The following SENP6 variants were observed in gnomAD, a reference collection of about 807,000 sequenced individuals.
The protein encoded by SENP6 is SUMO specific peptidase 6, also known as sentrin-specific protease 6.
A neutral mutation model predicts 134.5 loss-of-function variants in SENP6; 41 were observed. The ratio of observed to expected loss-of-function variants is 0.30; its 90% confidence interval spans 0.24 to 0.40. The LOEUF is 0.40. Ranked by LOEUF, SENP6 falls within the 10% of genes least tolerant of loss-of-function variation. The probability of loss-of-function intolerance (pLI) is 1.00; values close to 1 mark genes in which losing one functional copy is unlikely to be tolerated. For missense variants in SENP6, 1,248 were observed against 1,312.5 expected, an observed-to-expected ratio of 0.95 and a Z score of 0.76; for synonymous variants, 395 against 429.8, an observed-to-expected ratio of 0.92 and a Z score of 1.00.
chr6:75,660,016 T>C (rs1453382286), intron 8 of SENP6, among the ~76,000 whole-genome samples: 5 of 152,358 alleles, frequency 3.3e-5, no homozygotes, highest in African/African-American at 1.2e-4. Context: ...TTTATGCTTA[T>C]AGAATTGAAT....
chr6:75,627,431 A>G (rs1204070709), intron 3 of SENP6, among the ~76,000 whole-genome samples: 1 of 152,098 alleles, frequency 6.6e-6, no homozygotes, highest in African/African-American at 2.4e-5. Context: ...TTAGATAGAC[A>G]AGAAAAAAGT....
chr6:75,622,685 C>A, intron 2 of SENP6: 1 of 779,878 alleles, frequency 1.3e-6, no homozygotes, highest in Non-Finnish European at 1.9e-6. Flanking sequence ...TCTACCAAAA[C>A]TATAAATATG....
At position 75,715,510 on chromosome 6, in the gene SENP6, G is replaced by A. The variant is rs545076401; in HGVS notation, c.3255G>A (p.Glu1085=). The change falls in exon 24 of 24, where the codon GAG becomes GAA. Residue 1085 remains glutamate, a synonymous_variant. Transcript: ENST00000447266. The stretch of plus-strand genomic sequence containing the variant: ...AGCTACAGGAAGATCAGAGCAAAGA[G>A]AAAAGAAAGCATAAGGACACTTACT... ...ILKLQEDQSK[E]KRKHKDTYST... 8 of 1,613,448 alleles carry A rather than the reference G, an allele frequency of 5.0e-6. No homozygotes were observed. Among genetic ancestry groups the A allele is most frequent in the African/African-American group, 1.3e-5 (1 of 74,984 alleles).
intron 23 of SENP6, among the ~76,000 whole-genome samples, chr6:75,714,467 G>A (rs535098261): frequency 3.5e-4 from 54 of 152,218 alleles, no homozygotes; most frequent in African/African-American, 1.2e-3. Context: ...GTCGAGTGTC[G>A]CTATTCTGAA....
rs112739664 is a variant in SENP6 at position 75,665,069 on chromosome 6, G to A, written c.994+1551G>A. Among the ~76,000 whole-genome samples, 493 of 152,056 alleles carry A rather than the reference G, an allele frequency of 3.2e-3. 6 individuals are homozygous for A. The highest frequency in any genetic ancestry group is 0.011 in the African/African-American group (455 of 41,464). On this transcript the variant is annotated intron_variant, in intron 9 of 23. Coordinates refer to ENST00000447266, the MANE Select transcript of SENP6 (RefSeq NM_015571.4). Reference sequence around the variant, plus strand: ...TGGGAGGCTGAGGCGGGCGGATCACGAGGTCAGGAGATCAAGACCATCCTG... The same window carrying A: ...TGGGAGGCTGAGGCGGGCGGATCACAAGGTCAGGAGATCAAGACCATCCTG...
chr6:75,647,243 G>A (rs943645989), intron 6 of SENP6: 1 of 152,184 alleles, frequency 6.6e-6, no homozygotes, highest in African/African-American at 2.4e-5. Flanking sequence ...TTAGTGTTGT[G>A]TTTAAATAGA....
chr6:75,693,316 A>G (rs1428818956), intron 16 of SENP6, among the ~76,000 whole-genome samples: 1 of 151,690 alleles, frequency 6.6e-6, no homozygotes, highest in Non-Finnish European at 1.5e-5. Context: ...GAGGCAGGAG[A>G]ATCACTTGAA....
In SENP6 at chr6:75,668,307, T is replaced by A. The variant is rs148617603; in HGVS notation, c.1224+1366T>A. Among the ~76,000 whole-genome samples, 871 of 152,174 alleles carry A rather than the reference T, an allele frequency of 5.7e-3. 8 individuals are homozygous for A. Among genetic ancestry groups the A allele is most frequent in the South Asian group, 0.055 (266 of 4,816 alleles). ...GTAGTAAATGAAAAGATGAATATAT[T>A]TGATTAAATGAAAAGTAGAACAGTG... On this transcript the variant is annotated intron_variant, in intron 10 of 23. Transcript: ENST00000447266.
intron 3 of SENP6, among the ~76,000 whole-genome samples, chr6:75,628,291 T>C (rs1201887932): frequency 2.6e-5 from 4 of 152,148 alleles, no homozygotes; most frequent in South Asian, 4.1e-4. Context: ...AATAGAGATA[T>C]CCTTCACTGA....
chr6:75,630,031 A>C (rs186511711), intron 3 of SENP6, among the ~76,000 whole-genome samples: 3 of 152,050 alleles, frequency 2.0e-5, no homozygotes, highest in Admixed American at 2.0e-4. Flanking sequence ...GAACATGAAG[A>C]TAATGAATGA....
At chr6:75,701,633 CTTTTTTTTTTTT>C (rs60715314) in intron 18 of SENP6, among the ~76,000 whole-genome samples, 1 of 80,140 alleles carries the variant, frequency 1.2e-5, no homozygotes, top group South Asian at 6.0e-4. Flanking sequence ...ACAGTTTAAT[CTTTTTTTTTTTT>C]TTTTTTTTTT....
intron 1 of SENP6, among the ~76,000 whole-genome samples, chr6:75,617,786 TTTGA>T (rs2149825923): frequency 6.6e-6 from 1 of 152,290 alleles, no homozygotes; most frequent in South Asian, 2.1e-4. Flanking sequence ...GGACTTTGGA[TTTGA>T]TTGTCTTGTC....
At chr6:75,688,452 G>T (rs1225221305) in intron 16 of SENP6, among the ~76,000 whole-genome samples, 1 of 152,162 alleles carries the variant, frequency 6.6e-6, no homozygotes, top group African/African-American at 2.4e-5. Flanking sequence ...AGTTGGAAAC[G>T]CAGAAATCAC....
At chr6:75,644,565 A>G (rs1770288715) in intron 6 of SENP6, among the ~76,000 whole-genome samples, 1 of 151,944 alleles carries the variant, frequency 6.6e-6, no homozygotes, top group Non-Finnish European at 1.5e-5. Flanking sequence ...GCTCACTGCA[A>G]CCTCTGCCTC....
At chr6:75,675,764 T>C (rs575011801) in intron 12 of SENP6, 96 bp from the exon 13 acceptor site, 28 of 1,094,998 alleles carry the variant, frequency 2.6e-5, no homozygotes, top group Non-Finnish European at 3.6e-5. Context: ...AAATATGTGC[T>C]TACATTTACT....
chr6:75,683,524 T>G (rs1346529077), intron 16 of SENP6, among the ~76,000 whole-genome samples: 1 of 152,178 alleles, frequency 6.6e-6, no homozygotes, highest in Non-Finnish European at 1.5e-5. Flanking sequence ...GTTTTTATGG[T>G]TTTAGGTCTA....
intron 5 of SENP6, among the ~76,000 whole-genome samples, chr6:75,636,768 T>G (rs1353438988): frequency 1.3e-5 from 2 of 152,208 alleles, no homozygotes; most frequent in African/African-American, 4.8e-5. Context: ...AGGCTTTAAC[T>G]AAGATTGTTG....
chr6:75,602,531 G>C lies in SENP6; in HGVS notation c.7G>C (p.Ala3Pro). ...GCGGCGTGGGAGGAGGAAGATGGCG[G>C]CCGGCAAGAGCGGCGGTAGCGCAGG... The part of the protein sequence containing the change: MA[A>P]GKSGGSAGEI... The change falls in exon 1 of 24, where the codon GCC becomes CCC. Residue 3 changes from alanine (A) to proline (P), a missense_variant. Physicochemically the swap from Ala to Pro is conservative, Grantham distance 27. Coordinates refer to ENST00000447266, the MANE Select transcript of SENP6 (RefSeq NM_015571.4). 6.4e-7 allele frequency: 1 copy of C among 1,551,554 alleles called. No individual in the cohort carries two copies. The highest frequency in any genetic ancestry group is 8.7e-7 in the Non-Finnish European group (1 of 1,146,944).
chr6:75,687,060 C>T (rs2149887545), intron 16 of SENP6, among the ~76,000 whole-genome samples: 1 of 152,314 alleles, frequency 6.6e-6, no homozygotes, highest in East Asian at 1.9e-4. Flanking sequence ...GGTCTTTTCA[C>T]ATAGTCCCAT....
Sources: gnomAD v4.1 joint callset for allele counts (sites outside exome capture counted in the v4.1 genomes callset) on GRCh38, gnomAD v4.1.1 for gene constraint, MANE v1.5 for transcripts, NCBI Gene and HGNC (gene_info 2026-07-23, HGNC 2026-07-21) for gene names.